CGNL1: variants seen among roughly 807,000 people sequenced by gnomAD.
CGNL1 encodes the protein cingulin like 1.
Under a neutral mutation model 141.2 loss-of-function variants are expected in CGNL1, and 132 were observed. That is an observed-to-expected ratio of 0.93 (90% confidence interval 0.81 to 1.08). The LOEUF (loss-of-function observed/expected upper bound fraction) is 1.08, where lower values mean the gene tolerates loss of function less well. Among genes scored for constraint, CGNL1 ranks in the 50% least tolerant of loss-of-function variants. The pLI is 0.00. For synonymous variants in CGNL1, 690 were observed against 622.1 expected (o/e 1.11, Z -1.63); for missense variants, 1,870 against 1,588.6 (o/e 1.18, Z -3.01).
At chr15:57,497,236 C>G (rs1307588286) in intron 8 of CGNL1, among the ~76,000 whole-genome samples, 1 of 152,154 alleles carries the variant, frequency 6.6e-6, no homozygotes, top group Admixed American at 6.5e-5. Flanking sequence ...GAAAGAAGGC[C>G]TTTGGCAAGA....
intron 1 of CGNL1, among the ~76,000 whole-genome samples, chr15:57,427,382 T>C (rs1595692319): frequency 6.6e-6 from 1 of 152,170 alleles, no homozygotes; most frequent in African/African-American, 2.4e-5. Context: ...GTGCCTATCA[T>C]TTATAGCACA....
At chr15:57,533,452 CCCCCCAGACATGTCAGGAT>C (rs1372035264) in intron 14 of CGNL1, among the ~76,000 whole-genome samples, 1 of 152,138 alleles carries the variant, frequency 6.6e-6, no homozygotes, top group Non-Finnish European at 1.5e-5. Flanking sequence ...TAGCGACGTT[CCCCCCAGACATGTCAGGAT>C]CCGCTAAACA....
intron 1 of CGNL1, among the ~76,000 whole-genome samples, chr15:57,392,111 G>A (rs1219283669): frequency 6.6e-6 from 1 of 152,154 alleles, no homozygotes; most frequent in East Asian, 1.9e-4. Flanking sequence ...TGGGCCATGG[G>A]ATGGTGCTGT....
At chr15:57,384,207 A>T (rs2062457846) in intron 1 of CGNL1, among the ~76,000 whole-genome samples, 1 of 152,106 alleles carries the variant, frequency 6.6e-6, no homozygotes, top group Admixed American at 6.5e-5. Flanking sequence ...GCCTGAGTCC[A>T]ACTTTCTGGG....
intron 7 of CGNL1, among the ~76,000 whole-genome samples, chr15:57,455,432 G>A (rs1446673433): frequency 6.6e-6 from 1 of 152,304 alleles, no homozygotes; most frequent in East Asian, 1.9e-4. Context: ...GGAAGTCTCT[G>A]AAGTTGCTGA....
At chr15:57,498,500 C>G (rs2063976356) in intron 8 of CGNL1, among the ~76,000 whole-genome samples, 1 of 152,034 alleles carries the variant, frequency 6.6e-6, no homozygotes, top group Admixed American at 6.5e-5. Context: ...CCCCTGTGCC[C>G]AACCTGTTTT....
intron 8 of CGNL1, among the ~76,000 whole-genome samples, chr15:57,475,785 C>T (rs1049964723): frequency 6.6e-6 from 1 of 152,032 alleles, no homozygotes; most frequent in African/African-American, 2.4e-5. Flanking sequence ...TCCCTGCTTG[C>T]TTTCTTCTTT....
chr15:57,376,984 C>G (rs142593885), intron 1 of CGNL1: 3 of 152,346 alleles, frequency 2.0e-5, no homozygotes, highest in African/African-American at 7.2e-5. Flanking sequence ...AAGTCCTCGG[C>G]GTGCTCGGCC....
intron 8 of CGNL1, among the ~76,000 whole-genome samples, chr15:57,502,221 G>C (rs530046649): frequency 1.1e-4 from 16 of 152,282 alleles, no homozygotes; most frequent in South Asian, 1.0e-3. Flanking sequence ...GAAGGCTCTC[G>C]TTTGGAGGAA....
intron 1 of CGNL1, among the ~76,000 whole-genome samples, chr15:57,426,028 C>A (rs539338010): frequency 6.6e-6 from 1 of 152,176 alleles, no homozygotes; most frequent in South Asian, 2.1e-4. Flanking sequence ...AGGCAGGGAC[C>A]CCCCTCCCCC....
At chr15:57,443,342 G>C (rs1276142248) in intron 4 of CGNL1, among the ~76,000 whole-genome samples, 6 of 152,204 alleles carry the variant, frequency 3.9e-5, no homozygotes, top group Admixed American at 6.5e-5. Flanking sequence ...ACTCGTAAGA[G>C]AGTACGGCTA....
In CGNL1 at chr15:57,550,029, C is replaced by T. The variant is rs2033043440; in HGVS notation, c.*2539C>T. 6.6e-6 allele frequency: 1 copy of T among 152,196 alleles called. No individual in the cohort carries two copies. The highest frequency in any genetic ancestry group is 2.1e-4 in the South Asian group (1 of 4,822). The allele number at this position is 152,196 out of a possible 1,614,324, so 9.4% of individuals were successfully genotyped here. A position where few individuals can be genotyped will look rare whatever the true frequency, so the allele number is the denominator to read the frequency against. On this transcript the variant is annotated 3_prime_UTR_variant, in exon 19 of 19. Coordinates refer to ENST00000281282, the MANE Select transcript of CGNL1 (RefSeq NM_032866.5). ...GCCCCTCATTCTGGCCAGTTCTTTC[C>T]AGTAGCCATGGGGCTGGCTACAAGA... is the stretch of plus-strand genomic sequence containing the variant.
intron 10 of CGNL1, among the ~76,000 whole-genome samples, chr15:57,523,125 A>G (rs1266909450): frequency 6.6e-6 from 1 of 152,232 alleles, no homozygotes; most frequent in Admixed American, 6.5e-5. Context: ...ATTGCCAAGT[A>G]GGTTTAGATT....
chr15:57,512,252 A>T (rs2030379105), intron 8 of CGNL1, among the ~76,000 whole-genome samples: 1 of 152,242 alleles, frequency 6.6e-6, no homozygotes, highest in South Asian at 2.1e-4. Context: ...TACATGTAGT[A>T]CTTGCCTTGA....
At chr15:57,428,247 C>G (rs1040864003) in intron 1 of CGNL1, among the ~76,000 whole-genome samples, 6 of 152,184 alleles carry the variant, frequency 3.9e-5, no homozygotes, top group Non-Finnish European at 8.8e-5. Context: ...TAAATACAAA[C>G]TGTGGGAGGC....
chr15:57,516,187 A>G (rs2030782688), intron 8 of CGNL1, among the ~76,000 whole-genome samples: 1 of 151,160 alleles, frequency 6.6e-6, no homozygotes, highest in African/African-American at 2.4e-5. Flanking sequence ...AAAAAGAAAG[A>G]AAAAGAGACC....
chr15:57,529,559 A>ACACACACACAC (rs2031830903), intron 13 of CGNL1, among the ~76,000 whole-genome samples: 2 of 137,924 alleles, frequency 1.5e-5, no homozygotes, highest in Admixed American at 7.2e-5. Context: ...AACCCCCAGA[A>ACACACACACAC]ACACACACAC....
chr15:57,382,865 C>T (rs1488189521), intron 1 of CGNL1, among the ~76,000 whole-genome samples: 3 of 152,138 alleles, frequency 2.0e-5, no homozygotes, highest in African/African-American at 7.2e-5. Flanking sequence ...GACTGTTAAA[C>T]TTTCAACAAT....
chr15:57,470,249 T>G (rs1447105382), intron 8 of CGNL1, among the ~76,000 whole-genome samples: 1 of 93,806 alleles, frequency 1.1e-5, no homozygotes, highest in African/African-American at 5.0e-5. Context: ...TCTTTTTTTT[T>G]GTCTCTCTTT....
Sources: allele counts gnomAD v4.1 joint callset (sites outside exome capture counted in the v4.1 genomes callset), GRCh38; gene constraint gnomAD v4.1.1; transcripts MANE v1.5; gene names NCBI Gene and HGNC (gene_info 2026-07-23, HGNC 2026-07-21).